The following CDH13 variants were observed in gnomAD, a reference collection of about 807,000 sequenced individuals.
CDH13 encodes the protein cadherin 13.
CDH13 carries 24 observed loss-of-function variants against 63.8 expected under a neutral mutation model. That is an observed-to-expected ratio of 0.38 (90% CI 0.27 to 0.53). The LOEUF is 0.53. Among genes scored for constraint, CDH13 ranks in the 20% least tolerant of loss-of-function variants. The probability of loss-of-function intolerance (pLI) is 0.85; values close to 1 mark genes in which losing one functional copy is unlikely to be tolerated. For missense variants in CDH13, 1,049 were observed against 903.1 expected (o/e 1.16, Z -2.07); for synonymous variants, 503 against 355.3 (o/e 1.42, Z -4.67).
At chr16:82,910,558 G>A (rs2041798604) in intron 2 of CDH13, among the ~76,000 whole-genome samples, 1 of 152,082 alleles carries the variant, frequency 6.6e-6, no homozygotes, top group South Asian at 2.1e-4. Context: ...AGCCTCTGGT[G>A]TTAGTGATTG....
rs371005080 is a variant in CDH13 at position 83,478,247 on chromosome 16, C to T, written c.782-8230C>T. 9.9e-5 allele frequency among the ~76,000 whole-genome samples: 15 copies of T among 152,198 alleles called. No homozygotes were observed. In the East Asian group the frequency reaches 2.1e-3, roughly 22 times the overall value. Reference sequence around the variant, plus strand: ...TTCCTTTGAGCTAAAAGGCAGCTGCCGCCTGAGGCAGGAGGCACACGCTCC... The same window carrying T: ...TTCCTTTGAGCTAAAAGGCAGCTGCTGCCTGAGGCAGGAGGCACACGCTCC... On this transcript the variant is annotated intron_variant, in intron 6 of 13. Transcript: ENST00000567109.
chr16:83,400,779 C>G (rs2091956409), intron 6 of CDH13, among the ~76,000 whole-genome samples: 1 of 152,082 alleles, frequency 6.6e-6, no homozygotes, highest in East Asian at 1.9e-4. Context: ...TCCATTTGGC[C>G]CAGTTGCTGC....
chr16:83,786,475 G>A (rs1052974599), intron 13 of CDH13, among the ~76,000 whole-genome samples: 11 of 152,146 alleles, frequency 7.2e-5, no homozygotes, highest in African/African-American at 1.2e-4. Context: ...ATGAATGGAC[G>A]CATGGACAGA....
intron 6 of CDH13, among the ~76,000 whole-genome samples, chr16:83,374,008 C>G (rs954121903): frequency 6.6e-6 from 1 of 152,196 alleles, no homozygotes; most frequent in Non-Finnish European, 1.5e-5. Flanking sequence ...AGGTCTTTCT[C>G]TATTCAGGCC....
intron 13 of CDH13, among the ~76,000 whole-genome samples, chr16:83,784,579 C>T (rs1033817078): frequency 6.7e-6 from 1 of 150,020 alleles, no homozygotes; most frequent in Non-Finnish European, 1.5e-5. Context: ...TTGCAGTGAG[C>T]CAAGATCATG....
At chr16:82,796,519 C>G (rs1392286314) in intron 1 of CDH13, among the ~76,000 whole-genome samples, 1 of 152,180 alleles carries the variant, frequency 6.6e-6, no homozygotes, top group Non-Finnish European at 1.5e-5. Flanking sequence ...AATTTACATT[C>G]TAAAGGGCAC....
At chr16:83,320,211 T>G (rs1597737358) in intron 5 of CDH13, among the ~76,000 whole-genome samples, 1 of 148,904 alleles carries the variant, frequency 6.7e-6, no homozygotes, top group East Asian at 1.9e-4. Context: ...GGATAATTGT[T>G]CCTTTTTTTT....
chr16:83,323,887 T>C (rs1348031958), intron 5 of CDH13, among the ~76,000 whole-genome samples: 1 of 152,142 alleles, frequency 6.6e-6, no homozygotes, highest in Non-Finnish European at 1.5e-5. Context: ...CTCACCATCC[T>C]CCCTTACCTC....
intron 4 of CDH13, among the ~76,000 whole-genome samples, chr16:83,154,563 CAA>C (rs755336374): frequency 2.0e-4 from 20 of 98,542 alleles, no homozygotes; most frequent in African/African-American, 3.1e-4. Context: ...GACTCCATCT[CAA>C]AAAAAAAAAA....
At chr16:83,485,656 C>T (rs1224863716) in intron 6 of CDH13, among the ~76,000 whole-genome samples, 2 of 152,076 alleles carry the variant, frequency 1.3e-5, no homozygotes, top group Admixed American at 6.5e-5. Context: ...TTGTGCAAAC[C>T]CCAGACTAGA....
At chr16:83,564,006 T>A (rs2075750433) in intron 7 of CDH13, among the ~76,000 whole-genome samples, 1 of 152,214 alleles carries the variant, frequency 6.6e-6, no homozygotes, top group African/African-American at 2.4e-5. Flanking sequence ...ACCATTAGTT[T>A]CTTCATCTGC....
At chr16:83,379,365 C>A (rs1027435591) in intron 6 of CDH13, among the ~76,000 whole-genome samples, 3 of 152,116 alleles carry the variant, frequency 2.0e-5, no homozygotes, top group African/African-American at 7.2e-5. Flanking sequence ...TACAAAGTCA[C>A]TCCAGAACAT....
chr16:82,800,419 A>T (rs547687567), intron 1 of CDH13, among the ~76,000 whole-genome samples: 2 of 152,162 alleles, frequency 1.3e-5, no homozygotes, highest in Non-Finnish European at 2.9e-5. Context: ...GTGATACCCA[A>T]ATCATAAATC....
chr16:83,284,284 G>T (rs1234152429), intron 5 of CDH13, among the ~76,000 whole-genome samples: 1 of 152,190 alleles, frequency 6.6e-6, no homozygotes, highest in Non-Finnish European at 1.5e-5. Flanking sequence ...TCAAAGCAGA[G>T]AGTTGGTACT....
At chr16:83,537,185 C>A (rs918598317) in intron 7 of CDH13, among the ~76,000 whole-genome samples, 38 of 152,292 alleles carry the variant, frequency 2.5e-4, no homozygotes, top group African/African-American at 8.9e-4. Context: ...AAAGGCCCAG[C>A]AGGATGCTCT....
At chr16:83,215,489 A>T (rs538807045) in intron 4 of CDH13, among the ~76,000 whole-genome samples, 13 of 81,076 alleles carry the variant, frequency 1.6e-4, no homozygotes, top group African/African-American at 4.4e-4. Flanking sequence ...AATAAACAAC[A>T]TTTTTTAATC....
chr16:82,677,809 G>A (rs1914103308), intron 1 of CDH13, among the ~76,000 whole-genome samples: 1 of 151,920 alleles, frequency 6.6e-6, no homozygotes, highest in Non-Finnish European at 1.5e-5. Context: ...TTTTTTGACT[G>A]CCTTGATGGT....
intron 1 of CDH13, among the ~76,000 whole-genome samples, chr16:82,716,606 T>C (rs1400113726): frequency 1.3e-5 from 2 of 148,148 alleles, no homozygotes; most frequent in African/African-American, 2.5e-5. Flanking sequence ...CTAGATTAAT[T>C]ATGTAAATAA....
intron 3 of CDH13, among the ~76,000 whole-genome samples, chr16:83,063,058 T>C (rs1168461654): frequency 6.6e-6 from 1 of 151,314 alleles, no homozygotes; most frequent in Non-Finnish European, 1.5e-5. Flanking sequence ...GACTTCCAGG[T>C]TCAAGTGAGT....
Sources: gnomAD v4.1 joint callset for allele counts (sites outside exome capture counted in the v4.1 genomes callset) on GRCh38, gnomAD v4.1.1 for gene constraint, MANE v1.5 for transcripts, NCBI Gene and HGNC (gene_info 2026-07-23, HGNC 2026-07-21) for gene names.